The following NXN variants were observed in gnomAD, a reference collection of about 807,000 sequenced individuals.
NXN encodes nucleoredoxin.
Under a neutral mutation model 48.6 loss-of-function variants are expected in NXN, and 16 were observed. The ratio of observed to expected loss-of-function variants is 0.33; its 90% confidence interval spans 0.22 to 0.50. NXN has a LOEUF of 0.50. Among genes scored for constraint, NXN ranks in the 20% least tolerant of loss-of-function variants. NXN has a pLI of 0.98. For synonymous variants in NXN, 281 were observed against 269.6 expected, an observed-to-expected ratio of 1.04 and a Z score of -0.41; for missense variants, 492 against 605.5, an observed-to-expected ratio of 0.81 and a Z score of 1.97.
At chr17:865,036 G>A (rs1285268159) in intron 1 of NXN, among the ~76,000 whole-genome samples, 2 of 152,108 alleles carry the variant, frequency 1.3e-5, no homozygotes, top group Admixed American at 6.5e-5. Flanking sequence ...TCAGGAGATG[G>A]GACTAAACAG....
chr17:912,455 C>A (rs1327546523), intron 1 of NXN, among the ~76,000 whole-genome samples: 1 of 152,042 alleles, frequency 6.6e-6, no homozygotes, highest in South Asian at 2.1e-4. Context: ...CCCAACCACG[C>A]GGGAGAGACC....
rs552239541 is a variant in NXN, at chr17:958,113, C to T, written c.360+21206G>A. The stretch of plus-strand genomic sequence containing the variant: ...CTCAACTTTCCCCTTCCTTCCCACA[C>T]GGCTATTTATATCTGGAATATCTCT... On this transcript the variant is annotated intron_variant, in intron 1 of 7. Transcript: ENST00000336868. The surrounding 1 kb of genome is among the most constrained non-coding windows in gnomAD (Gnocchi z 6.9). Among the ~76,000 whole-genome samples, 6 of 152,264 alleles carry T rather than the reference C, an allele frequency of 3.9e-5. No homozygotes were observed. Among genetic ancestry groups the T allele is most frequent in the South Asian group, 4.2e-4 (2 of 4,812 alleles).
intron 1 of NXN, chr17:959,017 C>A: frequency 4.2e-6 from 1 of 240,514 alleles, no homozygotes; most frequent in Non-Finnish European, 8.1e-6. Context: ...TGCGGATGTG[C>A]GCGGAGCCGA....
At chr17:871,164 C>G (rs182175125) in intron 1 of NXN, among the ~76,000 whole-genome samples, 1 of 151,688 alleles carries the variant, frequency 6.6e-6, no homozygotes, top group African/African-American at 2.4e-5. Flanking sequence ...CCCGGCTATG[C>G]TTTTATTTTA....
At position 814,016 on chromosome 17, in the gene NXN, T is replaced by G. The variant is rs149807722; in HGVS notation, c.820+5423A>C. 8.6e-3 allele frequency among the ~76,000 whole-genome samples: 1,305 copies of G among 151,288 alleles called. 8 individuals are homozygous for G. Among genetic ancestry groups the G allele is most frequent in the Non-Finnish European group, 0.014 (937 of 67,914 alleles). On this transcript the variant is annotated intron_variant, in intron 5 of 7. Coordinates refer to ENST00000336868, the MANE Select transcript of NXN (RefSeq NM_022463.5). Reference sequence around the variant, plus strand: ...TGACTCATGCCTGTAATCCCAGCACTTTGGGAGGCCAAGGCAGGCAGATCA... The same window carrying G: ...TGACTCATGCCTGTAATCCCAGCACGTTGGGAGGCCAAGGCAGGCAGATCA...
chr17:914,496 A>C (rs889950597), intron 1 of NXN, among the ~76,000 whole-genome samples: 3 of 152,174 alleles, frequency 2.0e-5, no homozygotes. Context: ...TTAAGGCGAG[A>C]AGTATGCAAT....
At chr17:880,317 C>T (rs1207385626) in intron 1 of NXN, among the ~76,000 whole-genome samples, 1 of 151,722 alleles carries the variant, frequency 6.6e-6, no homozygotes, top group Non-Finnish European at 1.5e-5. Context: ...AATACAAGAA[C>T]TAAATACCTT....
chr17:841,505 A>ACACC (rs1914247656), intron 1 of NXN, among the ~76,000 whole-genome samples: 5 of 138,638 alleles, frequency 3.6e-5, no homozygotes, highest in Admixed American at 7.2e-5. Flanking sequence ...GGCGCATCTC[A>ACACC]CACGGGCGAG....
At chr17:884,198 G>A (rs1016694802) in intron 1 of NXN, among the ~76,000 whole-genome samples, 3 of 140,516 alleles carry the variant, frequency 2.1e-5, no homozygotes, top group Non-Finnish European at 4.7e-5. Flanking sequence ...TCCAGCCTGG[G>A]GGACTGAGCA....
At chr17:835,113 C>A (rs983017963) in intron 1 of NXN, among the ~76,000 whole-genome samples, 1 of 151,264 alleles carries the variant, frequency 6.6e-6, no homozygotes, top group East Asian at 2.0e-4. Flanking sequence ...TCGAGACCAT[C>A]CTGGCTAACA....
chr17:899,364 C>T (rs983232145), intron 1 of NXN, among the ~76,000 whole-genome samples: 1 of 152,156 alleles, frequency 6.6e-6, no homozygotes, highest in African/African-American at 2.4e-5. Flanking sequence ...CAAATATTGA[C>T]GTGCTGGGTA....
chr17:812,191 T>C (rs1389233775), intron 5 of NXN, among the ~76,000 whole-genome samples: 42 of 151,960 alleles, frequency 2.8e-4, no homozygotes, highest in Non-Finnish European at 3.7e-4. Flanking sequence ...CCTCCCAAAG[T>C]GCTGGGATTA....
At chr17:847,579 G>A (rs188831676) in intron 1 of NXN, among the ~76,000 whole-genome samples, 33 of 152,202 alleles carry the variant, frequency 2.2e-4, no homozygotes, top group African/African-American at 7.7e-4. Flanking sequence ...CCACTGCCAC[G>A]GACCAGCCAC....
In NXN at chr17:978,834, C is replaced by CGCCCT. The variant is rs1471253091; in HGVS notation, c.360+480_360+484dup. On this transcript the variant is annotated intron_variant, in intron 1 of 7. Transcript: ENST00000336868. This position sits in a 1 kb window ranked among gnomAD's most constrained non-coding sequence, Gnocchi z 4.1. Reference sequence around the variant, plus strand: ...TTGGGCGCCACGGGCGGGGGGCGTGCGCCCTCCCCTCCCCTCCCCTCCCCA... The same window carrying CGCCCT: ...TTGGGCGCCACGGGCGGGGGGCGTGCGCCCTGCCCTCCCCTCCCCTCCCCTCCCCA... Among the ~76,000 whole-genome samples the CGCCCT allele has an allele frequency of 1.3e-5, 2 of 150,694 alleles. No individual in the cohort carries two copies. Among genetic ancestry groups the CGCCCT allele is most frequent in the South Asian group, 4.2e-4 (2 of 4,774 alleles).
At chr17:957,414 A>G (rs2069183328) in intron 1 of NXN, among the ~76,000 whole-genome samples, 1 of 152,002 alleles carries the variant, frequency 6.6e-6, no homozygotes, top group Non-Finnish European at 1.5e-5. Flanking sequence ...CGGGTGGATC[A>G]TGAGGTCAGG....
intron 1 of NXN, among the ~76,000 whole-genome samples, chr17:846,601 T>C (rs1209624490): frequency 6.6e-6 from 1 of 152,176 alleles, no homozygotes; most frequent in Non-Finnish European, 1.5e-5. Flanking sequence ...GTCCTGCCCC[T>C]GTACCCTTTT....
chr17:812,698 G>C (rs1912165509), intron 5 of NXN, among the ~76,000 whole-genome samples: 1 of 151,524 alleles, frequency 6.6e-6, no homozygotes, highest in African/African-American at 2.4e-5. Flanking sequence ...ACATATGAAT[G>C]TAGGTGTTTG....
intron 1 of NXN, among the ~76,000 whole-genome samples, chr17:865,745 A>G (rs1426509206): frequency 6.6e-6 from 1 of 151,358 alleles, no homozygotes; most frequent in Non-Finnish European, 1.5e-5. Context: ...GCACTTTGGG[A>G]GGCCGAGGTG....
chr17:832,351 G>GT (rs1913527309), intron 1 of NXN, among the ~76,000 whole-genome samples: 3 of 110,864 alleles, frequency 2.7e-5, no homozygotes, highest in East Asian at 6.9e-4. Flanking sequence ...CTACTATTTT[G>GT]TATTTTTTTT....
Sources: gnomAD v4.1 joint callset for allele counts (sites outside exome capture counted in the v4.1 genomes callset) on GRCh38, gnomAD v4.1.1 for gene constraint, Gnocchi (gnomAD v3.1) non-coding constraint, MANE v1.5 for transcripts, NCBI Gene and HGNC (gene_info 2026-07-23, HGNC 2026-07-21) for gene names.